The following LINGO2 variants were observed in gnomAD, a reference collection of about 807,000 sequenced individuals.
LINGO2 encodes the protein leucine-rich repeat and immunoglobulin-like domain-containing nogo receptor-interacting protein 2.
LINGO2 carries 14 observed loss-of-function variants against 30.6 expected under a neutral mutation model. The ratio of observed to expected loss-of-function variants is 0.46; its 90% CI spans 0.30 to 0.72. LINGO2 has a LOEUF of 0.72. Ranked by LOEUF, LINGO2 falls within the 30% of genes least tolerant of loss-of-function variation. The probability of loss-of-function intolerance (pLI) is 0.07; values close to 1 mark genes in which losing one functional copy is unlikely to be tolerated. For synonymous variants in LINGO2, 317 were observed against 288.5 expected (o/e 1.10, Z -1.00); for missense variants, 729 against 751.7 (o/e 0.97, Z 0.35).
chr9:28,922,250 G>A, the LINGO2 span, among the ~76,000 whole-genome samples: 1 of 152,116 alleles, frequency 6.6e-6, no homozygotes, highest in African/African-American at 2.4e-5. Flanking sequence ...ATTTTGTCGT[G>A]TTCAAACTAG....
chr9:28,354,336 A>T (rs999780020), intron 3 of LINGO2, among the ~76,000 whole-genome samples: 3 of 152,172 alleles, frequency 2.0e-5, no homozygotes, highest in Non-Finnish European at 2.9e-5. Context: ...ATGCAAATTC[A>T]TGTTAACCTA....
the LINGO2 span, among the ~76,000 whole-genome samples, chr9:28,977,400 C>T: frequency 1.3e-5 from 2 of 151,908 alleles, no homozygotes. Flanking sequence ...TTTCAGTTTA[C>T]CAGACAGACT....
chr9:28,271,145 T>C (rs552453833), intron 4 of LINGO2, among the ~76,000 whole-genome samples: 2 of 148,848 alleles, frequency 1.3e-5, no homozygotes, highest in East Asian at 2.0e-4. Flanking sequence ...TCTGTATTTA[T>C]AAGAAAAAAG....
chr9:28,546,667 C>G (rs1587836147), intron 1 of LINGO2, among the ~76,000 whole-genome samples: 1 of 151,938 alleles, frequency 6.6e-6, no homozygotes, highest in African/African-American at 2.4e-5. Flanking sequence ...GAAAGTAGTT[C>G]TGGAATTCTA....
chr9:28,120,710 G>C (rs572868470), intron 4 of LINGO2, among the ~76,000 whole-genome samples: 1 of 152,160 alleles, frequency 6.6e-6, no homozygotes, highest in Non-Finnish European at 1.5e-5. Flanking sequence ...AATAATGAGT[G>C]TAGTTCCTTG....
chr9:28,378,243 T>C (rs535278161), intron 2 of LINGO2, among the ~76,000 whole-genome samples: 123 of 152,306 alleles, frequency 8.1e-4, no homozygotes, highest in Non-Finnish European at 1.2e-3. Context: ...AAATAGTTGC[T>C]ACATATCCAG....
chr9:28,104,377 G>A (rs889474004), intron 4 of LINGO2, among the ~76,000 whole-genome samples: 20 of 142,198 alleles, frequency 1.4e-4, no homozygotes, highest in Admixed American at 8.2e-4. Context: ...CAGAATAGAA[G>A]CAATGTGTCT....
chr9:28,165,858 A>T (rs1828413334), intron 4 of LINGO2, among the ~76,000 whole-genome samples: 1 of 152,228 alleles, frequency 6.6e-6, no homozygotes, highest in Non-Finnish European at 1.5e-5. Flanking sequence ...TACCAATAAG[A>T]ATATTTTGCT....
At chr9:28,735,356 A>G in the LINGO2 span, among the ~76,000 whole-genome samples, 1,495 of 152,308 alleles carry the variant, frequency 9.8e-3, 29 homozygotes, top group African/African-American at 0.034. Context: ...TTTATTCACT[A>G]TATTTTATAC....
At chr9:28,860,270 AT>A in the LINGO2 span, among the ~76,000 whole-genome samples, 2 of 151,878 alleles carry the variant, frequency 1.3e-5, no homozygotes, top group Non-Finnish European at 2.9e-5. Context: ...TATGCTAGAT[AT>A]TTTTGTGAAG....
At chr9:28,145,899 C>T (rs1827799682) in intron 4 of LINGO2, among the ~76,000 whole-genome samples, 2 of 152,104 alleles carry the variant, frequency 1.3e-5, no homozygotes, top group South Asian at 2.1e-4. Flanking sequence ...CCCTTAAGAC[C>T]GCTTCTCTTC....
At chr9:28,614,518 T>G (rs1397962179) in intron 1 of LINGO2, among the ~76,000 whole-genome samples, 1 of 152,052 alleles carries the variant, frequency 6.6e-6, no homozygotes, top group Non-Finnish European at 1.5e-5. Context: ...ATGTCATAGG[T>G]AAATAAAAAC....
chr9:28,132,994 C>T (rs1033786266), intron 4 of LINGO2, among the ~76,000 whole-genome samples: 1 of 152,158 alleles, frequency 6.6e-6, no homozygotes, highest in Non-Finnish European at 1.5e-5. Flanking sequence ...AGGCTTTCAG[C>T]CCGTACATTT....
the LINGO2 span, among the ~76,000 whole-genome samples, chr9:29,013,498 T>A: frequency 1.1e-4 from 17 of 152,068 alleles, no homozygotes; most frequent in Non-Finnish European, 4.4e-5. Context: ...CCCTAAAATG[T>A]TTTCAACAAT....
intron 4 of LINGO2, among the ~76,000 whole-genome samples, chr9:28,208,605 G>A (rs1326296715): frequency 1.3e-5 from 2 of 151,894 alleles, no homozygotes; most frequent in Non-Finnish European, 2.9e-5. Context: ...CTGGTTTCCT[G>A]GAGTACACAG....
intron 4 of LINGO2, among the ~76,000 whole-genome samples, chr9:28,155,047 T>C (rs1364945269): frequency 6.6e-6 from 1 of 152,244 alleles, no homozygotes; most frequent in Non-Finnish European, 1.5e-5. Flanking sequence ...GATGTATTGG[T>C]AGTTTATTGC....
intron 2 of LINGO2, among the ~76,000 whole-genome samples, chr9:28,410,326 A>C (rs1225865405): frequency 1.3e-5 from 2 of 152,132 alleles, no homozygotes; most frequent in African/African-American, 4.8e-5. Flanking sequence ...AGAGTTGAAC[A>C]GTTGTTTACT....
the LINGO2 span, among the ~76,000 whole-genome samples, chr9:28,804,569 A>ACAAAAAC: frequency 8.1e-4 from 119 of 147,188 alleles, 1 homozygote; most frequent in Admixed American, 1.8e-3. Flanking sequence ...AAAAACAAAA[A>ACAAAAAC]AAAAACAGAT....
intron 4 of LINGO2, among the ~76,000 whole-genome samples, chr9:28,189,781 A>G (rs972210314): frequency 1.3e-5 from 2 of 152,012 alleles, no homozygotes; most frequent in African/African-American, 4.8e-5. Context: ...TATTCCCTGG[A>G]GAACCAAAAG....
Sources: gnomAD v4.1 joint callset for allele counts (sites outside exome capture counted in the v4.1 genomes callset) on GRCh38, gnomAD v4.1.1 for gene constraint, MANE v1.5 for transcripts, NCBI Gene and HGNC (gene_info 2026-07-23, HGNC 2026-07-21) for gene names.